WDTC1: variants seen among roughly 807,000 people sequenced by gnomAD.
WDTC1 encodes the protein WD and tetratricopeptide repeats 1.
A neutral mutation model predicts 76.0 loss-of-function variants in WDTC1; 12 were observed. That is an observed-to-expected ratio of 0.16 (90% CI 0.10 to 0.26). The LOEUF is 0.26. Ranked by LOEUF, WDTC1 falls within the 10% of genes least tolerant of loss-of-function variation. WDTC1 has a pLI of 1.00. For synonymous variants in WDTC1, 326 were observed against 350.8 expected (o/e 0.93, Z 0.79); for missense variants, 511 against 908.8 (o/e 0.56, Z 5.63).
chr1:27,265,411 G>GT (rs1440043018), intron 3 of WDTC1, among the ~76,000 whole-genome samples: 3 of 152,140 alleles, frequency 2.0e-5, no homozygotes, highest in Non-Finnish European at 4.4e-5. Context: ...TCTAAAATGT[G>GT]TTTTTTATTG....
chr1:27,275,131 T>G lies in WDTC1; in HGVS notation c.133-7108T>G, dbSNP rs537325590. ...TTTCTTCATATTATCCTTAAACAATTGCAAACATTATGTATCTATCTCACC... is the reference window on the plus strand; with the variant it reads ...TTTCTTCATATTATCCTTAAACAATGGCAAACATTATGTATCTATCTCACC... On this transcript the variant is annotated intron_variant, in intron 3 of 15. Transcript: ENST00000319394. Among the ~76,000 whole-genome samples, 5 of 152,336 alleles carry G rather than the reference T, an allele frequency of 3.3e-5. No homozygotes were observed. The South Asian group carries it at 1.0e-3, about 32-fold the overall frequency.
At chr1:27,296,786 C>CCCTAGCCCCAGCCCCAGT in intron 10 of WDTC1, among the ~76,000 whole-genome samples, 1 of 37,008 alleles carries the variant, frequency 2.7e-5, no homozygotes, top group Middle Eastern at 0.011. Flanking sequence ...CCAGCCCCAA[C>CCCTAGCCCCAGCCCCAGT]CCTAGCCCCA....
At position 27,235,394 on chromosome 1, in the gene WDTC1, CTGTGTGTGTGTGTGTG is replaced by C. The variant is rs139665541; in HGVS notation, c.-100+471_-100+486del. On this transcript the variant is annotated intron_variant, in intron 1 of 15. Coordinates refer to ENST00000319394, the MANE Select transcript of WDTC1 (RefSeq NM_001276252.2). ...TCTTTCTGTTTTTCTCTCTCTCTTT[CTGTGTGTGTGTGTGTG>C]TGTGTGTGTGTGTGTGTGTGTGTGT... 2.7e-3 allele frequency among the ~76,000 whole-genome samples: 380 copies of C among 141,216 alleles called. 2 individuals are homozygous for C. Among genetic ancestry groups the C allele is most frequent in the Middle Eastern group, 0.014 (4 of 284 alleles). The allele number at this position is 141,216 out of a possible 152,430, so 92.6% of individuals were successfully genotyped here.
intron 4 of WDTC1, 112 bp downstream of exon 4, chr1:27,282,397 A>T: frequency 9.8e-7 from 1 of 1,023,574 alleles, no homozygotes; most frequent in Non-Finnish European, 1.5e-6. Context: ...AAATGAAAAG[A>T]GACTGCTGCT....
At position 27,276,708 on chromosome 1, in the gene WDTC1, A is replaced by G. The variant is rs1236401392; in HGVS notation, c.133-5531A>G. Among the ~76,000 whole-genome samples the G allele has an allele frequency of 2.7e-5, 4 of 150,858 alleles. No individual in the cohort carries two copies. In the East Asian group the frequency reaches 5.8e-4, roughly 22 times the overall value. ...ACTTCGTCTCGAAAAAAAAAAAGAA[A>G]AGAAAAAAAAATTTTTTTTTTATTA... On this transcript the variant is annotated intron_variant, in intron 3 of 15. Coordinates refer to ENST00000319394, the MANE Select transcript of WDTC1 (RefSeq NM_001276252.2).
intron 1 of WDTC1, among the ~76,000 whole-genome samples, chr1:27,242,945 C>G (rs2011676263): frequency 6.6e-6 from 1 of 152,182 alleles, no homozygotes; most frequent in African/African-American, 2.4e-5. Flanking sequence ...CCAGGAGCCT[C>G]AAAGATGGCT....
At chr1:27,283,022 C>T (rs2013233072) in intron 4 of WDTC1, among the ~76,000 whole-genome samples, 1 of 151,484 alleles carries the variant, frequency 6.6e-6, no homozygotes, top group Non-Finnish European at 1.5e-5. Flanking sequence ...CCTGTAGTCC[C>T]AGCTACTCAG....
chr1:27,270,563 C>A (rs961010380), intron 3 of WDTC1, among the ~76,000 whole-genome samples: 1 of 152,102 alleles, frequency 6.6e-6, no homozygotes, highest in Non-Finnish European at 1.5e-5. Flanking sequence ...GGTGGTGACA[C>A]ACCACTGTGG....
intron 1 of WDTC1, among the ~76,000 whole-genome samples, chr1:27,250,261 A>T (rs1027217413): frequency 6.6e-6 from 1 of 151,888 alleles, no homozygotes; most frequent in African/African-American, 2.4e-5. Flanking sequence ...ATCTCGGCTC[A>T]CTGCAACCTC....
intron 1 of WDTC1, among the ~76,000 whole-genome samples, chr1:27,236,960 C>T (rs1446992219): frequency 6.6e-6 from 1 of 152,174 alleles, no homozygotes; most frequent in Non-Finnish European, 1.5e-5. Context: ...GCTTCAGCCT[C>T]CCAAGTAGCT....
intron 1 of WDTC1, among the ~76,000 whole-genome samples, chr1:27,244,332 T>C (rs2011737848): frequency 6.6e-6 from 1 of 152,102 alleles, no homozygotes; most frequent in Admixed American, 6.6e-5. Flanking sequence ...TTCTTTCTTT[T>C]GTTTTGTTTT....
intron 1 of WDTC1, among the ~76,000 whole-genome samples, chr1:27,247,130 C>G (rs545684358): frequency 5.0e-4 from 76 of 151,764 alleles, no homozygotes; most frequent in African/African-American, 1.6e-3. Context: ...GATCTCAGCT[C>G]ACTGCAACCT....
At chr1:27,253,347 C>T (rs1416683204) in intron 1 of WDTC1, among the ~76,000 whole-genome samples, 1 of 150,566 alleles carries the variant, frequency 6.6e-6, no homozygotes, top group South Asian at 2.1e-4. Flanking sequence ...CTTCTTCTTT[C>T]TTCTTTCTTC....
chr1:27,289,175 C>A (rs1570976939), intron 6 of WDTC1, among the ~76,000 whole-genome samples: 1 of 150,292 alleles, frequency 6.7e-6, no homozygotes. Flanking sequence ...GCGCCCCTCA[C>A]CTCCCGGACG....
chr1:27,298,652 A>G (rs1445606436), intron 12 of WDTC1, among the ~76,000 whole-genome samples: 1 of 152,154 alleles, frequency 6.6e-6, no homozygotes, highest in Admixed American at 6.5e-5. Flanking sequence ...GGCTGGTAAT[A>G]AAGAAGTAGA....
chr1:27,260,858 G>A (rs1328622487), intron 1 of WDTC1, 98 bp from the exon 2 acceptor site: 1 of 623,512 alleles, frequency 1.6e-6, no homozygotes. Context: ...TGACAGGCAA[G>A]GGCCACTTCA....
At position 27,306,961 on chromosome 1, in the gene WDTC1, C is replaced by A. The variant is rs2013970152; in HGVS notation, c.*578C>A. On this transcript the variant is annotated 3_prime_UTR_variant, in exon 16 of 16. Coordinates refer to ENST00000319394, the MANE Select transcript of WDTC1 (RefSeq NM_001276252.2). The surrounding 1 kb of genome is among the most constrained non-coding windows in gnomAD (Gnocchi z 5.0). ...CCCTGGAGTGGGCAAGACCAGGCCACCTGCTGAGGTCGCTGTGGAGCACCC... is the reference window on the plus strand; with the variant it reads ...CCCTGGAGTGGGCAAGACCAGGCCAACTGCTGAGGTCGCTGTGGAGCACCC... 6.4e-6 allele frequency: 1 copy of A among 156,590 alleles called. No homozygotes were observed. The highest frequency in any genetic ancestry group is 6.2e-5 in the Admixed American group (1 of 16,250). The allele number at this position is 156,590 out of a possible 1,614,324, so 9.7% of individuals were successfully genotyped here. A position where few individuals can be genotyped will look rare whatever the true frequency, so the allele number is the denominator to read the frequency against.
chr1:27,252,817 A>G lies in WDTC1; in HGVS notation c.-99-8139A>G, dbSNP rs61369489. 1.3e-4 allele frequency among the ~76,000 whole-genome samples: 20 copies of G among 151,968 alleles called. No homozygotes were observed. In the East Asian group the frequency reaches 3.5e-3, roughly 27 times the overall value. ...CGTCTCAAAAAAAGAAAAAGAAAAA[A>G]AAAAAGTTACTTGTGGTCTGTTATA... is the stretch of plus-strand genomic sequence containing the variant. On this transcript the variant is annotated intron_variant, in intron 1 of 15. Transcript: ENST00000319394.
intron 8 of WDTC1, 114 bp from the exon 9 acceptor site, chr1:27,294,400 G>A: frequency 2.1e-6 from 2 of 949,720 alleles, no homozygotes; most frequent in Non-Finnish European, 3.3e-6. Context: ...AACACTTGTA[G>A]CTGCTTTTAT....
Sources: gnomAD v4.1 joint callset for allele counts (sites outside exome capture counted in the v4.1 genomes callset) on GRCh38, gnomAD v4.1.1 for gene constraint, Gnocchi (gnomAD v3.1) non-coding constraint, MANE v1.5 for transcripts, NCBI Gene and HGNC (gene_info 2026-07-23, HGNC 2026-07-21) for gene names.